Variants in DOCK8 observed in about 807,000 individuals in gnomAD.
DOCK8 encodes the protein dedicator of cytokinesis 8.
DOCK8 carries 141 observed loss-of-function variants against 245.6 expected under a neutral mutation model. The ratio of observed to expected loss-of-function variants is 0.57; its 90% CI spans 0.50 to 0.66. The LOEUF (loss-of-function observed/expected upper bound fraction) is 0.66. Ranked by LOEUF, DOCK8 falls within the 30% of genes least tolerant of loss-of-function variation. The pLI, the probability that DOCK8 is intolerant of heterozygous loss-of-function variation, is 0.00. For synonymous variants in DOCK8, 1,168 were observed against 970.2 expected (o/e 1.20, Z -3.79); for missense variants, 2,965 against 2,603.4 (o/e 1.14, Z -3.02).
rs189910764 is a variant in DOCK8, at chr9:378,003, A to T, written c.2440+792A>T. Among the ~76,000 whole-genome samples, 306 of 152,282 alleles carry T rather than the reference A, an allele frequency of 2.0e-3. 3 individuals are homozygous for T. The highest frequency in any genetic ancestry group is 7.1e-3 in the African/African-American group (297 of 41,554). On this transcript the variant is annotated intron_variant, in intron 20 of 47. Coordinates refer to ENST00000432829, the MANE Select transcript of DOCK8 (RefSeq NM_203447.4). ...GTGCCTATATAGCTCTTTGCTTTCCAGTCCAGCAGACGTCTTTTGGGTACC... is the reference window on the plus strand; with the variant it reads ...GTGCCTATATAGCTCTTTGCTTTCCTGTCCAGCAGACGTCTTTTGGGTACC...
chr9:220,462 C>G (rs942654668), intron 1 of DOCK8, among the ~76,000 whole-genome samples: 3 of 152,080 alleles, frequency 2.0e-5, no homozygotes, highest in Admixed American at 1.3e-4. Context: ...ACCAAGTCTC[C>G]CATCTCAACT....
At chr9:251,565 G>C (rs1214719331) in intron 1 of DOCK8, among the ~76,000 whole-genome samples, 3 of 152,166 alleles carry the variant, frequency 2.0e-5, no homozygotes, top group African/African-American at 7.2e-5. Flanking sequence ...CACTCCGATA[G>C]CAGCTTTTTC....
In DOCK8 at chr9:465,187, A is replaced by T. The variant is rs2057932272; in HGVS notation, c.*968A>T. On this transcript the variant is annotated 3_prime_UTR_variant, in exon 48 of 48. Coordinates refer to ENST00000432829, the MANE Select transcript of DOCK8 (RefSeq NM_203447.4). ...GAACAAAGACATTATTTGAGAATTA[A>T]ATTATATATTTTTAATATGACTGTG... 1 of 152,658 alleles carries T rather than the reference A, an allele frequency of 6.6e-6. No individual in the cohort carries two copies. Among genetic ancestry groups the T allele is most frequent in the Non-Finnish European group, 1.5e-5 (1 of 68,046 alleles). The allele number at this position is 152,658 out of a possible 1,614,324, so 9.5% of individuals were successfully genotyped here.
chr9:313,257 A>G (rs1352684426), intron 6 of DOCK8, among the ~76,000 whole-genome samples: 1 of 152,252 alleles, frequency 6.6e-6, no homozygotes, highest in African/African-American at 2.4e-5. Flanking sequence ...CCGAGAAAGA[A>G]GAAGCACGCT....
At position 289,600 on chromosome 9, in the gene DOCK8, A is replaced by C. The variant is rs377047353; in HGVS notation, c.404+19A>C. 1 of 1,596,720 alleles carries C rather than the reference A, an allele frequency of 6.3e-7. No individual in the cohort carries two copies. The highest frequency in any genetic ancestry group is 1.7e-5 in the Admixed American group (1 of 59,752). ...ACCGGAAGTAAGTTACTTTTTTTCC[A>C]CTTTTTGTATATAAATATTAATTTT... On this transcript the variant is annotated intron_variant, in intron 4 of 47. Coordinates refer to ENST00000432829, the MANE Select transcript of DOCK8 (RefSeq NM_203447.4).
At chr9:296,714 C>A (rs565226291) in intron 4 of DOCK8, among the ~76,000 whole-genome samples, 10 of 152,354 alleles carry the variant, frequency 6.6e-5, no homozygotes, top group Admixed American at 2.0e-4. Context: ...TGCTAGCTGT[C>A]AAGGTGCTTA....
chr9:255,674 A>G (rs988647079), intron 1 of DOCK8, among the ~76,000 whole-genome samples: 102 of 142,300 alleles, frequency 7.2e-4, no homozygotes, highest in East Asian at 2.4e-3. Flanking sequence ...TCTCCAAAAA[A>G]AAAAAAAAAA....
intron 1 of DOCK8, chr9:220,755 C>G (rs542703689): frequency 4.9e-5 from 19 of 386,046 alleles, no homozygotes; most frequent in South Asian, 3.3e-4. Flanking sequence ...CAGTCATGCT[C>G]TGTCGCCCAG....
intron 23 of DOCK8, among the ~76,000 whole-genome samples, chr9:386,680 G>A (rs1422251396): frequency 2.0e-5 from 3 of 152,098 alleles, no homozygotes; most frequent in East Asian, 1.9e-4. Context: ...AAAACTCATC[G>A]CTGGACCCTA....
intron 26 of DOCK8, among the ~76,000 whole-genome samples, chr9:401,563 C>T (rs1010638482): frequency 1.3e-5 from 2 of 152,070 alleles, no homozygotes; most frequent in African/African-American, 2.4e-5. Flanking sequence ...TTTATGGGGT[C>T]TGCAAAGGAG....
intron 2 of DOCK8, among the ~76,000 whole-genome samples, chr9:276,327 T>C (rs114263600): frequency 0.018 from 2,706 of 152,362 alleles, 77 homozygotes; most frequent in African/African-American, 0.062. Flanking sequence ...CCTACAGATA[T>C]ATCCTTAGAA....
intron 1 of DOCK8, among the ~76,000 whole-genome samples, chr9:233,562 T>C (rs2047171619): frequency 1.3e-5 from 2 of 151,664 alleles, no homozygotes; most frequent in South Asian, 4.1e-4. Context: ...AAGGACTTGC[T>C]TTATGAATCT....
intron 1 of DOCK8, among the ~76,000 whole-genome samples, chr9:231,227 T>C (rs1020682433): frequency 1.3e-5 from 2 of 152,174 alleles, no homozygotes; most frequent in Non-Finnish European, 2.9e-5. Flanking sequence ...TGTGGCATTA[T>C]TTCTGAGGGC....
chr9:248,297 G>T (rs1309555867), intron 1 of DOCK8, among the ~76,000 whole-genome samples: 1 of 152,166 alleles, frequency 6.6e-6, no homozygotes, highest in Non-Finnish European at 1.5e-5. Context: ...TCACCTTTAA[G>T]CCGTCAATAC....
At chr9:251,200 C>T (rs763441231) in intron 1 of DOCK8, among the ~76,000 whole-genome samples, 1 of 152,184 alleles carries the variant, frequency 6.6e-6, no homozygotes, top group Non-Finnish European at 1.5e-5. Context: ...AGATTTTGGA[C>T]TTCACAGGGC....
upstream of DOCK8, chr9:213,635 G>C (rs904491505): frequency 3.9e-5 from 6 of 152,066 alleles, no homozygotes; most frequent in African/African-American, 1.2e-4. Flanking sequence ...GGGCAATTCA[G>C]ACTAACCATA....
chr9:298,699 G>T (rs75682722), intron 4 of DOCK8, among the ~76,000 whole-genome samples: 19,340 of 151,330 alleles, frequency 0.13, 1,444 homozygotes, highest in Admixed American at 0.17. Flanking sequence ...AACACTCTTG[G>T]AAATAGCCGC....
chr9:228,588 A>T (rs189887919), intron 1 of DOCK8, among the ~76,000 whole-genome samples: 1 of 152,156 alleles, frequency 6.6e-6, no homozygotes, highest in East Asian at 1.9e-4. Flanking sequence ...TTTTCAGGGG[A>T]GCATGGCCCT....
chr9:282,246 C>G (rs1240592491), intron 2 of DOCK8, among the ~76,000 whole-genome samples: 1 of 152,084 alleles, frequency 6.6e-6, no homozygotes, highest in South Asian at 2.1e-4. Context: ...TCAGTATGCC[C>G]TACCCAGTAG....
Sources: allele counts gnomAD v4.1 joint callset (sites outside exome capture counted in the v4.1 genomes callset), GRCh38; gene constraint gnomAD v4.1.1; transcripts MANE v1.5; gene names NCBI Gene and HGNC (gene_info 2026-07-23, HGNC 2026-07-21).